Variants in RGL1 observed in about 807,000 individuals in gnomAD.
RGL1 encodes the protein ral guanine nucleotide dissociation stimulator like 1.
RGL1 carries 24 observed loss-of-function variants against 95.2 expected under a neutral mutation model. The ratio of observed to expected loss-of-function variants is 0.25; its 90% CI spans 0.18 to 0.35. The LOEUF (loss-of-function observed/expected upper bound fraction) is 0.35. Among genes scored for constraint, RGL1 ranks in the 10% least tolerant of loss-of-function variants. The pLI is 1.00. For missense variants in RGL1, 715 were observed against 936.3 expected, an observed-to-expected ratio of 0.76 and a Z score of 3.08; for synonymous variants, 329 against 344.9, an observed-to-expected ratio of 0.95 and a Z score of 0.51.
At chr1:183,778,221 A>G (rs1168022445) in intron 2 of RGL1, among the ~76,000 whole-genome samples, 1 of 152,238 alleles carries the variant, frequency 6.6e-6, no homozygotes, top group South Asian at 2.1e-4. Flanking sequence ...TAACCGCCAT[A>G]AGGCACAGCT....
At chr1:183,727,486 T>TA (rs1656377660) in intron 1 of RGL1, among the ~76,000 whole-genome samples, 1 of 152,158 alleles carries the variant, frequency 6.6e-6, no homozygotes, top group South Asian at 2.1e-4. Context: ...CTGTTTTTTT[T>TA]AAAAAACCTG....
chr1:183,638,985 G>A (rs375574363), intron 1 of RGL1, among the ~76,000 whole-genome samples: 1 of 152,158 alleles, frequency 6.6e-6, no homozygotes, highest in African/African-American at 2.4e-5. Context: ...AAACAACAAA[G>A]ACATTGAATC....
intron 1 of RGL1, among the ~76,000 whole-genome samples, chr1:183,666,955 A>C (rs1412888717): frequency 1.3e-5 from 2 of 152,154 alleles, no homozygotes; most frequent in South Asian, 2.1e-4. Context: ...TAATGTTTTC[A>C]ATTTTAATAC....
At chr1:183,735,452 A>C (rs1285636584) in intron 1 of RGL1, among the ~76,000 whole-genome samples, 1 of 152,212 alleles carries the variant, frequency 6.6e-6, no homozygotes, top group Non-Finnish European at 1.5e-5. Flanking sequence ...TTTTGTAAAA[A>C]ATTGAAGCAG....
At chr1:183,716,749 T>A (rs1655647392) in intron 1 of RGL1, among the ~76,000 whole-genome samples, 1 of 152,232 alleles carries the variant, frequency 6.6e-6, no homozygotes, top group Admixed American at 6.5e-5. Flanking sequence ...CTGGTGATCT[T>A]TTCTTGTCTG....
chr1:183,830,253 A>C (rs1242539633), intron 2 of RGL1, among the ~76,000 whole-genome samples: 7 of 152,198 alleles, frequency 4.6e-5, no homozygotes, highest in Non-Finnish European at 7.3e-5. Flanking sequence ...ACTTCTTATA[A>C]GTTCAGACAC....
At chr1:183,883,961 G>A (rs1163352928) in intron 6 of RGL1, 51 bp downstream of exon 6, 2 of 1,594,992 alleles carry the variant, frequency 1.3e-6, no homozygotes, top group African/African-American at 1.3e-5. Context: ...ACATAGGGGA[G>A]TGATGGCACT....
At chr1:183,661,309 A>G (rs1273191837) in intron 1 of RGL1, among the ~76,000 whole-genome samples, 1 of 152,232 alleles carries the variant, frequency 6.6e-6, no homozygotes, top group Non-Finnish European at 1.5e-5. Context: ...ATAGACCGCT[A>G]GCAAGACTAG....
chr1:183,657,817 G>T (rs988786150), intron 1 of RGL1, among the ~76,000 whole-genome samples: 8 of 151,454 alleles, frequency 5.3e-5, no homozygotes, highest in African/African-American at 1.7e-4. Context: ...GTAATGGGAT[G>T]GCTGGGTCAA....
At chr1:183,872,661 TTAAAGA>T (rs1281325148) in intron 4 of RGL1, among the ~76,000 whole-genome samples, 5 of 152,146 alleles carry the variant, frequency 3.3e-5, no homozygotes, top group Non-Finnish European at 1.5e-5. Flanking sequence ...CGGATACACT[TTAAAGA>T]GAAAGGAAAG....
chr1:183,665,359 T>C (rs181494017), intron 1 of RGL1, among the ~76,000 whole-genome samples: 1,979 of 150,540 alleles, frequency 0.013, 52 homozygotes, highest in African/African-American at 0.047. Context: ...TTTCTTGTAA[T>C]GTCTTTGTCT....
chr1:183,701,796 G>T (rs775137443), intron 1 of RGL1, among the ~76,000 whole-genome samples: 75 of 152,212 alleles, frequency 4.9e-4, no homozygotes, highest in South Asian at 8.3e-4. Flanking sequence ...AATTAGCCGG[G>T]CATAGTGGCA....
chr1:183,873,489 AG>A (rs1666305701), intron 4 of RGL1, among the ~76,000 whole-genome samples: 2 of 152,214 alleles, frequency 1.3e-5, no homozygotes, highest in Non-Finnish European at 1.5e-5. Flanking sequence ...GTTAAGTGAC[AG>A]GTCTGATATT....
chr1:183,780,699 T>C (rs1659857253), intron 2 of RGL1, among the ~76,000 whole-genome samples: 1 of 152,218 alleles, frequency 6.6e-6, no homozygotes, highest in African/African-American at 2.4e-5. Context: ...AGGTGTATGA[T>C]AGGTGATACT....
chr1:183,828,057 TA>T lies in RGL1; in HGVS notation c.139-19506del, dbSNP rs565022096. On this transcript the variant is annotated intron_variant, in intron 2 of 17. Transcript: ENST00000360851. ...GTGATTATTAGCTTAGCTTTTAAGT[TA>T]AATCACATTCCTGGAAAGGGAAATG... Among the ~76,000 whole-genome samples, 479 of 152,374 alleles carry T rather than the reference TA, an allele frequency of 3.1e-3. 4 individuals are homozygous for T. Among genetic ancestry groups the T allele is most frequent in the South Asian group, 7.0e-3 (34 of 4,832 alleles).
chr1:183,659,579 G>C (rs1446473101), intron 1 of RGL1, among the ~76,000 whole-genome samples: 1 of 152,218 alleles, frequency 6.6e-6, no homozygotes, highest in East Asian at 1.9e-4. Flanking sequence ...ATCTACGTCT[G>C]ATTGGTGTAC....
chr1:183,868,448 G>T (rs1026964269), intron 4 of RGL1, among the ~76,000 whole-genome samples: 2 of 152,120 alleles, frequency 1.3e-5, no homozygotes, highest in Admixed American at 1.3e-4. Flanking sequence ...TGTGACCGTG[G>T]ACCTATAGCA....
rs1272754046 is a variant in RGL1 at position 183,927,674 on chromosome 1, C to G, written c.*1382C>G. The G allele has an allele frequency of 1.3e-5, 2 of 152,618 alleles. No homozygotes were observed. Among genetic ancestry groups the G allele is most frequent in the Non-Finnish European group, 2.9e-5 (2 of 68,026 alleles). The allele number at this position is 152,618 out of a possible 1,614,324, so 9.5% of individuals were successfully genotyped here. On this transcript the variant is annotated 3_prime_UTR_variant, in exon 18 of 18. Transcript: ENST00000360851. The stretch of plus-strand genomic sequence containing the variant: ...GCTGTGCTGGGGTTTGAACTAAAAG[C>G]CATATGTGGAATATTGACATGTGTA...
At chr1:183,739,178 G>C (rs1006461796) in intron 1 of RGL1, among the ~76,000 whole-genome samples, 2 of 152,220 alleles carry the variant, frequency 1.3e-5, no homozygotes, top group African/African-American at 4.8e-5. Flanking sequence ...TCAGTAAAAA[G>C]GAAAAGGAAT....
Sources: allele counts gnomAD v4.1 joint callset (sites outside exome capture counted in the v4.1 genomes callset), GRCh38; gene constraint gnomAD v4.1.1; transcripts MANE v1.5; gene names NCBI Gene and HGNC (gene_info 2026-07-23, HGNC 2026-07-21).